The following SLC20A2 variants were observed in gnomAD, a reference collection of about 807,000 sequenced individuals.
SLC20A2 encodes the protein sodium-dependent phosphate transporter 2.
In SLC20A2, 30 loss-of-function variants were observed where a neutral mutation model predicts 61.0. That is an observed-to-expected ratio of 0.49 (90% CI 0.37 to 0.67). The LOEUF (loss-of-function observed/expected upper bound fraction) is 0.67. SLC20A2 is among the 30% of genes least tolerant of loss of function. The pLI is 0.00. For missense variants in SLC20A2, 626 were observed against 866.4 expected, an observed-to-expected ratio of 0.72 and a Z score of 3.48; for synonymous variants, 351 against 353.3, an observed-to-expected ratio of 0.99 and a Z score of 0.07.
chr8:42,457,118 T>C (rs1296456618), intron 5 of SLC20A2, among the ~76,000 whole-genome samples: 1 of 151,944 alleles, frequency 6.6e-6, no homozygotes, highest in African/African-American at 2.4e-5. Context: ...GAGATGGGGT[T>C]TCACCATGTT....
intron 1 of SLC20A2, among the ~76,000 whole-genome samples, chr8:42,525,974 T>C (rs1811907805): frequency 6.6e-6 from 1 of 152,208 alleles, no homozygotes; most frequent in African/African-American, 2.4e-5. Flanking sequence ...AGGAGATAGA[T>C]ACAGCTCCTG....
At chr8:42,514,471 C>A (rs984980143) in intron 1 of SLC20A2, among the ~76,000 whole-genome samples, 5 of 152,048 alleles carry the variant, frequency 3.3e-5, no homozygotes, top group African/African-American at 1.2e-4. Flanking sequence ...AAAAAGCCCT[C>A]CCCTGGCTGG....
At chr8:42,530,146 T>C (rs1306518071) in intron 1 of SLC20A2, among the ~76,000 whole-genome samples, 1 of 152,070 alleles carries the variant, frequency 6.6e-6, no homozygotes, top group Non-Finnish European at 1.5e-5. Flanking sequence ...GGTGAAAAAT[T>C]TACCCAACCT....
At chr8:42,478,929 C>T (rs1022047373) in intron 1 of SLC20A2, among the ~76,000 whole-genome samples, 2 of 151,888 alleles carry the variant, frequency 1.3e-5, no homozygotes, top group Non-Finnish European at 2.9e-5. Context: ...GGGAATCTTC[C>T]GCTGAGACAC....
intron 8 of SLC20A2, among the ~76,000 whole-genome samples, chr8:42,431,250 A>G (rs1803850220): frequency 6.6e-6 from 1 of 152,252 alleles, no homozygotes; most frequent in Non-Finnish European, 1.5e-5. Context: ...GAACACATGA[A>G]TAATAAGAAA....
intron 1 of SLC20A2, among the ~76,000 whole-genome samples, chr8:42,532,184 C>T (rs1361858561): frequency 6.6e-6 from 1 of 152,100 alleles, no homozygotes; most frequent in Non-Finnish European, 1.5e-5. Context: ...AGAATGTAAA[C>T]TACAAATGAC....
intron 1 of SLC20A2, among the ~76,000 whole-genome samples, chr8:42,513,118 G>A (rs927763197): frequency 1.3e-5 from 2 of 152,198 alleles, no homozygotes; most frequent in Non-Finnish European, 2.9e-5. Context: ...TCTTTAGAAT[G>A]CTGGACAATT....
chr8:42,517,005 G>A (rs895632317), intron 1 of SLC20A2, among the ~76,000 whole-genome samples: 5 of 152,070 alleles, frequency 3.3e-5, no homozygotes, highest in Non-Finnish European at 7.4e-5. Flanking sequence ...CACCCCCCAA[G>A]CATTTCTCAA....
intron 2 of SLC20A2, among the ~76,000 whole-genome samples, chr8:42,471,773 A>C (rs1444881484): frequency 6.6e-6 from 1 of 152,236 alleles, no homozygotes; most frequent in Non-Finnish European, 1.5e-5. Flanking sequence ...ACATTCACTT[A>C]GACAACCTTC....
upstream of SLC20A2, among the ~76,000 whole-genome samples, chr8:42,502,974 A>C (rs540346425): frequency 2.6e-5 from 4 of 152,312 alleles, no homozygotes; most frequent in South Asian, 4.1e-4. Context: ...CAAATACACC[A>C]AGTGCATTTC....
chr8:42,504,083 GCACGTGCCAGCA>G (rs1257163320), upstream of SLC20A2, among the ~76,000 whole-genome samples: 1 of 152,054 alleles, frequency 6.6e-6, no homozygotes, highest in African/African-American at 2.4e-5. Context: ...GGGACTACAG[GCACGTGCCAGCA>G]CACCTGGCTA....
At chr8:42,541,054 G>A (rs1159861684) in intron 1 of SLC20A2, 1 of 152,306 alleles carries the variant, frequency 6.6e-6, no homozygotes, top group Non-Finnish European at 1.5e-5. Context: ...AATATGAAAA[G>A]GGACTCTATG....
At chr8:42,509,728 C>T (rs184583447) in intron 1 of SLC20A2, among the ~76,000 whole-genome samples, 180 of 151,928 alleles carry the variant, frequency 1.2e-3, no homozygotes, top group African/African-American at 4.2e-3. Flanking sequence ...CATTCCAGCC[C>T]GGGCAACAGA....
chr8:42,459,254 A>C (rs1806506053), intron 5 of SLC20A2, among the ~76,000 whole-genome samples: 1 of 151,442 alleles, frequency 6.6e-6, no homozygotes, highest in Non-Finnish European at 1.5e-5. Context: ...AAAAAAAAAA[A>C]AAAAACATAA....
rs184757111 is a variant in SLC20A2, at chr8:42,509,787, T to G, written c.-265+32034A>C. ...AAAACAAAACAAAACAAAAAGATGC[T>G]AGGCTTGAAACCACTAGAGACAGAT... On this transcript the variant is annotated intron_variant, in intron 1 of 10. Coordinates refer to the SLC20A2 transcript ENST00000342228. 3.3e-5 allele frequency among the ~76,000 whole-genome samples: 5 copies of G among 152,060 alleles called. No homozygotes were observed. The East Asian group carries it at 9.7e-4, about 29-fold the overall frequency.
chr8:42,468,791 G>C (rs1256075751), intron 2 of SLC20A2, among the ~76,000 whole-genome samples: 1 of 152,154 alleles, frequency 6.6e-6, no homozygotes, highest in African/African-American at 2.4e-5. Flanking sequence ...GCTGGAAGGG[G>C]GCTGTGTGCT....
intron 5 of SLC20A2, among the ~76,000 whole-genome samples, chr8:42,454,245 G>A (rs1334314350): frequency 2.0e-5 from 3 of 152,126 alleles, no homozygotes; most frequent in Non-Finnish European, 2.9e-5. Flanking sequence ...CTCATGATCC[G>A]CCCGTCTCGG....
chr8:42,468,920 C>T (rs1303920340), intron 2 of SLC20A2, among the ~76,000 whole-genome samples: 1 of 152,150 alleles, frequency 6.6e-6, no homozygotes, highest in Non-Finnish European at 1.5e-5. Flanking sequence ...ACAAAATGGA[C>T]AGACTACTGC....
intron 1 of SLC20A2, among the ~76,000 whole-genome samples, chr8:42,536,749 T>C (rs1812722115): frequency 6.6e-6 from 1 of 152,140 alleles, no homozygotes; most frequent in South Asian, 2.1e-4. Context: ...CATTCTCTAT[T>C]GCTCAATACA....
Sources: gnomAD v4.1 joint callset for allele counts (sites outside exome capture counted in the v4.1 genomes callset) on GRCh38, gnomAD v4.1.1 for gene constraint, MANE v1.5 for transcripts, NCBI Gene and HGNC (gene_info 2026-07-23, HGNC 2026-07-21) for gene names.